Variants in CCDC102B observed in about 807,000 individuals in gnomAD.
CCDC102B encodes the protein coiled-coil domain containing 102B.
Under a neutral mutation model 57.4 loss-of-function variants are expected in CCDC102B, and 75 were observed. The observed-to-expected ratio is 1.31, with a 90% CI of 1.08 to 1.58. CCDC102B has a LOEUF of 1.58. Ranked by LOEUF, CCDC102B falls within the 40% of genes most tolerant of loss-of-function variation. CCDC102B has a pLI of 0.00. For missense variants in CCDC102B, 636 were observed against 582.6 expected (o/e 1.09, Z -0.94); for synonymous variants, 206 against 201.9 (o/e 1.02, Z -0.17).
intron 4 of CCDC102B, among the ~76,000 whole-genome samples, chr18:68,866,296 A>G (rs954797503): frequency 9.2e-5 from 14 of 152,330 alleles, no homozygotes; most frequent in African/African-American, 2.9e-4. Flanking sequence ...TACAGAGTAA[A>G]AACTTTCTCA....
At chr18:68,954,351 C>A (rs9956628) in intron 6 of CCDC102B, among the ~76,000 whole-genome samples, 6,326 of 152,144 alleles carry the variant, frequency 0.042, 273 homozygotes, top group African/African-American at 0.11. Context: ...ACCAGAGAGG[C>A]AGAGGTTGTA....
At chr18:69,030,054 T>A (rs74257792) in intron 7 of CCDC102B, among the ~76,000 whole-genome samples, 4 of 151,204 alleles carry the variant, frequency 2.6e-5, no homozygotes, top group East Asian at 3.8e-4. Context: ...GTGGAAAAAA[T>A]TATTTTTTTC....
intron 7 of CCDC102B, among the ~76,000 whole-genome samples, chr18:69,049,562 T>G (rs2052652534): frequency 6.6e-6 from 1 of 152,048 alleles, no homozygotes; most frequent in Non-Finnish European, 1.5e-5. Flanking sequence ...AATTACTGTG[T>G]GGAAGGGAGG....
In CCDC102B at chr18:68,884,431, A is replaced by G. The variant is rs561258921; in HGVS notation, c.1053+9646A>G. 2.8e-3 allele frequency among the ~76,000 whole-genome samples: 424 copies of G among 152,230 alleles called. 3 individuals carry two copies. Among genetic ancestry groups the G allele is most frequent in the Middle Eastern group, 0.01 (3 of 294 alleles). ...CCAAACACAAAAAGAAAAATATTGCATATTCTCACTTACATGTGAACTCTA... is the reference window on the plus strand; with the variant it reads ...CCAAACACAAAAAGAAAAATATTGCGTATTCTCACTTACATGTGAACTCTA... On this transcript the variant is annotated intron_variant, in intron 5 of 7. Coordinates refer to ENST00000360242, the MANE Select transcript of CCDC102B (RefSeq NM_024781.3).
At chr18:68,858,761 T>C (rs2038599815) in intron 4 of CCDC102B, among the ~76,000 whole-genome samples, 1 of 152,100 alleles carries the variant, frequency 6.6e-6, no homozygotes. Flanking sequence ...AAGGGAGAAA[T>C]AGGATCACTA....
chr18:68,757,375 T>A (rs2034085701), intron 2 of CCDC102B, among the ~76,000 whole-genome samples: 1 of 152,156 alleles, frequency 6.6e-6, no homozygotes, highest in Non-Finnish European at 1.5e-5. Context: ...TTGGTAATAT[T>A]ATTTCAAAAA....
chr18:69,038,261 T>C (rs1040009812), intron 7 of CCDC102B, among the ~76,000 whole-genome samples: 1 of 151,980 alleles, frequency 6.6e-6, no homozygotes, highest in African/African-American at 2.4e-5. Flanking sequence ...TTTTAATGTC[T>C]GCAGACTATA....
intron 1 of CCDC102B, 110 bp from the exon 2 acceptor site, chr18:68,836,639 A>G: frequency 9.8e-6 from 7 of 713,536 alleles, no homozygotes; most frequent in Non-Finnish European, 1.5e-5. Context: ...ATAAAAAAAA[A>G]GCATTGTTTT....
intron 2 of CCDC102B, among the ~76,000 whole-genome samples, chr18:68,785,679 GT>G (rs1364983871): frequency 1.4e-5 from 2 of 147,660 alleles, no homozygotes; most frequent in South Asian, 2.2e-4. Flanking sequence ...GGGGTTGTTT[GT>G]TTTTTTCTTG....
At chr18:68,831,851 G>T (rs972656725) in intron 1 of CCDC102B, among the ~76,000 whole-genome samples, 2 of 151,998 alleles carry the variant, frequency 1.3e-5, no homozygotes, top group Non-Finnish European at 2.9e-5. Context: ...ATGTATATAT[G>T]CTTTAGATCT....
chr18:68,788,365 T>G (rs1474594328), intron 2 of CCDC102B, among the ~76,000 whole-genome samples: 2 of 149,122 alleles, frequency 1.3e-5, no homozygotes, highest in Admixed American at 1.3e-4. Flanking sequence ...CAGAGCTGAG[T>G]TCAATTCCTG....
At chr18:68,813,789 T>C (rs2036367794) in intron 1 of CCDC102B, among the ~76,000 whole-genome samples, 1 of 150,212 alleles carries the variant, frequency 6.7e-6, no homozygotes, top group African/African-American at 2.4e-5. Flanking sequence ...TATATATATA[T>C]ATATCTTTAG....
intron 6 of CCDC102B, among the ~76,000 whole-genome samples, chr18:68,992,229 G>GAGTA: frequency 6.6e-6 from 1 of 152,114 alleles, no homozygotes; most frequent in Non-Finnish European, 1.5e-5. Context: ...ATAGAATAGG[G>GAGTA]CCCTGAGTAC....
At chr18:68,878,959 G>A (rs1046366893) in intron 5 of CCDC102B, among the ~76,000 whole-genome samples, 3 of 152,080 alleles carry the variant, frequency 2.0e-5, no homozygotes, top group Admixed American at 6.5e-5. Flanking sequence ...TCCAAAGGTC[G>A]CGTCTGGAGT....
At chr18:68,834,878 T>C (rs1402297142) in intron 1 of CCDC102B, among the ~76,000 whole-genome samples, 1 of 151,970 alleles carries the variant, frequency 6.6e-6, no homozygotes, top group Non-Finnish European at 1.5e-5. Flanking sequence ...ATTCAGTTGA[T>C]TAAATAGATG....
In CCDC102B at chr18:68,726,993, C is replaced by G. The variant is rs559677158; in HGVS notation, c.-67+10399C>G. 1.5e-3 allele frequency among the ~76,000 whole-genome samples: 226 copies of G among 152,266 alleles called. 1 individual carries two copies. The highest frequency in any genetic ancestry group is 5.1e-3 in the African/African-American group (213 of 41,554). ...GAAAAGGTTCTTGCTCCTCTCCCCTCAGACTAAATGAGAGAACTAATGCCA... is the reference window on the plus strand; with the variant it reads ...GAAAAGGTTCTTGCTCCTCTCCCCTGAGACTAAATGAGAGAACTAATGCCA... On this transcript the variant is annotated intron_variant, in intron 2 of 3. Transcript: ENST00000578970.
At chr18:68,908,111 T>C (rs970531499) in intron 6 of CCDC102B, 1 of 152,234 alleles carries the variant, frequency 6.6e-6, no homozygotes, top group Non-Finnish European at 1.5e-5. Flanking sequence ...GTTGAACTAC[T>C]CTTTCATTCT....
intron 6 of CCDC102B, among the ~76,000 whole-genome samples, chr18:68,911,780 A>G (rs1185048128): frequency 7.0e-6 from 1 of 143,004 alleles, no homozygotes; most frequent in Non-Finnish European, 1.5e-5. Flanking sequence ...AAAAAAGATC[A>G]GAAAAAAATA....
chr18:68,822,007 G>C (rs921434342), intron 1 of CCDC102B, among the ~76,000 whole-genome samples: 1 of 152,100 alleles, frequency 6.6e-6, no homozygotes, highest in Non-Finnish European at 1.5e-5. Flanking sequence ...ATATCACTTT[G>C]TTCTAGAAGC....
Sources: gnomAD v4.1 joint callset for allele counts (sites outside exome capture counted in the v4.1 genomes callset) on GRCh38, gnomAD v4.1.1 for gene constraint, MANE v1.5 for transcripts, NCBI Gene and HGNC (gene_info 2026-07-23, HGNC 2026-07-21) for gene names.